Variants in RNF213 observed in about 807,000 individuals in gnomAD.
The protein encoded by RNF213 is ring finger protein 213, also known as E3 ubiquitin-protein ligase RNF213.
A neutral mutation model predicts 514.4 loss-of-function variants in RNF213; 341 were observed. That is an observed-to-expected ratio of 0.66 (90% CI 0.61 to 0.73). The LOEUF is 0.73. RNF213 is among the 30% of genes least tolerant of loss of function. RNF213 has a pLI of 0.00. For synonymous variants in RNF213, 2,655 were observed against 2,658.2 expected (o/e 1.00, Z 0.04); for missense variants, 5,767 against 6,615.6 (o/e 0.87, Z 4.45).
chr17:80,297,447 C>T (rs2044997466), intron 10 of RNF213, among the ~76,000 whole-genome samples: 1 of 136,384 alleles, frequency 7.3e-6, no homozygotes, highest in Non-Finnish European at 1.6e-5. Context: ...GAGACTTCAT[C>T]TCAAAAAAAA....
At chr17:80,334,922 G>T (rs904764931) in intron 22 of RNF213, among the ~76,000 whole-genome samples, 1 of 144,916 alleles carries the variant, frequency 6.9e-6, no homozygotes, top group Non-Finnish European at 1.5e-5. Context: ...CACTGCACCT[G>T]GCCTTTTTTT....
At chr17:80,348,339 A>G (rs2078386581) in intron 29 of RNF213, 53 bp downstream of exon 29, 2 of 1,598,646 alleles carry the variant, frequency 1.3e-6, no homozygotes, top group Non-Finnish European at 1.7e-6. Flanking sequence ...AGAGTCCTAA[A>G]TCCCTCGTGT....
intron 26 of RNF213, chr17:80,340,721 A>T (rs1599060151): frequency 4.8e-6 from 1 of 207,542 alleles, no homozygotes; most frequent in East Asian, 1.4e-4. Flanking sequence ...TCTGGGTTCA[A>T]GCAATTATCC....
At chr17:80,374,846 A>G (rs1264569970) in intron 50 of RNF213, 3 of 491,960 alleles carry the variant, frequency 6.1e-6, no homozygotes, top group East Asian at 3.9e-5. Flanking sequence ...TGCCAAGTCC[A>G]TCAGCAGCGC....
At chr17:80,337,362 A>T (rs901550596) in intron 23 of RNF213, among the ~76,000 whole-genome samples, 1 of 152,260 alleles carries the variant, frequency 6.6e-6, no homozygotes, top group Non-Finnish European at 1.5e-5. Context: ...CACTGGAGGA[A>T]ACGTGGAACA....
At chr17:80,352,602 G>T (rs531556598) in intron 32 of RNF213, 2 of 571,000 alleles carry the variant, frequency 3.5e-6, no homozygotes, top group African/African-American at 3.7e-5. Flanking sequence ...GACCTTGCCA[G>T]TGTCCCCCAC....
chr17:80,270,051 G>C (rs980594430), intron 2 of RNF213, among the ~76,000 whole-genome samples: 3 of 152,212 alleles, frequency 2.0e-5, no homozygotes, highest in African/African-American at 7.2e-5. Context: ...ACATTCCCCA[G>C]AGCAACACTG....
chr17:80,261,494 G>A (rs375117619), intron 1 of RNF213, among the ~76,000 whole-genome samples: 1 of 152,334 alleles, frequency 6.6e-6, no homozygotes, highest in East Asian at 1.9e-4. Flanking sequence ...GGGCCCTGGG[G>A]GAGTCCAGGG....
Position 80,346,808 on chromosome 17 carries a change from T to C in RNF213, c.8473T>C (p.Cys2825Arg), listed in dbSNP as rs755160108. 1.3e-5 allele frequency: 21 copies of C among 1,613,934 alleles called. No individual in the cohort carries two copies. The Admixed American group carries it at 1.7e-4, about 13-fold the overall frequency. Residue 2825 changes from cysteine to arginine, a missense_variant, in exon 29 of 68, where the codon TGC becomes CGC. Transcript: ENST00000582970. The surrounding 1 kb of genome is among the most constrained non-coding windows in gnomAD (Gnocchi z 8.1). ...PQGIISTFRQ[C>R]ARFQQGKDLQ... is the part of the protein sequence containing the mutation. Reference sequence around the variant, plus strand: ...GGGCATCATCAGCACCTTCCGGCAGTGCGCCCGCTTTCAGCAGGGGAAGGA... The same window carrying C: ...GGGCATCATCAGCACCTTCCGGCAGCGCGCCCGCTTTCAGCAGGGGAAGGA...
At chr17:80,392,379 G>A (rs540028367) in intron 67 of RNF213, among the ~76,000 whole-genome samples, 7 of 152,188 alleles carry the variant, frequency 4.6e-5, no homozygotes, top group Admixed American at 1.3e-4. Flanking sequence ...AAGGTTTTTT[G>A]AATGGTGAGG....
intron 67 of RNF213, among the ~76,000 whole-genome samples, chr17:80,392,935 C>T (rs1035442768): frequency 2.0e-5 from 3 of 151,646 alleles, no homozygotes; most frequent in Non-Finnish European, 2.9e-5. Flanking sequence ...CTGATGACAA[C>T]GGGAAAAAGT....
chr17:80,277,815 A>G (rs974825982), intron 3 of RNF213, among the ~76,000 whole-genome samples: 1 of 152,140 alleles, frequency 6.6e-6, no homozygotes, highest in Admixed American at 6.6e-5. Flanking sequence ...CATTCTAACC[A>G]TGGTGAGGAG....
chr17:80,369,379 C>T, intron 44 of RNF213, 123 bp from the exon 45 acceptor site: 1 of 951,054 alleles, frequency 1.1e-6, no homozygotes, highest in Non-Finnish European at 1.7e-6. Flanking sequence ...GCCTGGGCAA[C>T]AAGAGTGAAA....
At position 80,290,459 on chromosome 17, in the gene RNF213, A is replaced by ATGTGTGTGTGCACGTGTGTGTGCGCACG. The variant is rs1568019442; in HGVS notation, c.1113-99_1113-72dup. 44 of 1,289,294 alleles carry ATGTGTGTGTGCACGTGTGTGTGCGCACG rather than the reference A, an allele frequency of 3.4e-5. No individual in the cohort carries two copies. In the East Asian group the frequency reaches 3.5e-4, roughly 10 times the overall value. 79.9% of individuals were successfully genotyped at this position (1,289,294 alleles called of 1,614,324 possible). On this transcript the variant is annotated intron_variant, in intron 6 of 67. Coordinates refer to ENST00000582970, the MANE Select transcript of RNF213 (RefSeq NM_001256071.3). ...TGTGTGCATGTGTGTGTGCGAGTGC[A>ATGTGTGTGTGCACGTGTGTGTGCGCACG]TGTGTGTGTGCACGTGTGTGTGCGC...
chr17:80,263,911 G>A lies in RNF213; in HGVS notation c.97+133G>A. 1 of 691,102 alleles carries A rather than the reference G, an allele frequency of 1.4e-6. No homozygotes were observed. The highest frequency in any genetic ancestry group is 1.6e-5 in the South Asian group (1 of 62,162). 42.8% of individuals were successfully genotyped at this position (691,102 alleles called of 1,614,324 possible). A position where few individuals can be genotyped will look rare whatever the true frequency, so the allele number is the denominator to read the frequency against. ...GCCGAGGTCCTCTGTGGCTACTGAG[G>A]CTCTGTGGCTCTGAATAGCCATCTC... is the stretch of plus-strand genomic sequence containing the variant. On this transcript the variant is annotated intron_variant, in intron 2 of 67. Transcript: ENST00000582970. The surrounding 1 kb of genome is among the most constrained non-coding windows in gnomAD (Gnocchi z 4.9).
chr17:80,302,358 G>A (rs1164255793), intron 11 of RNF213, among the ~76,000 whole-genome samples: 3 of 152,086 alleles, frequency 2.0e-5, no homozygotes, highest in South Asian at 4.1e-4. Flanking sequence ...TACACTGTAT[G>A]CATATATATT....
chr17:80,388,199 C>T (rs973232898), intron 63 of RNF213, among the ~76,000 whole-genome samples: 2 of 152,150 alleles, frequency 1.3e-5, no homozygotes, highest in Non-Finnish European at 2.9e-5. Context: ...CTCTTGACTT[C>T]GTGATCTGCC....
In RNF213 at chr17:80,361,391, A is replaced by C. The variant is rs188811079; in HGVS notation, c.11201-343A>C. 8.8e-3 allele frequency among the ~76,000 whole-genome samples: 1,341 copies of C among 152,232 alleles called. 15 individuals carry two copies. Among genetic ancestry groups the C allele is most frequent in the Admixed American group, 0.023 (356 of 15,294 alleles). On this transcript the variant is annotated intron_variant, in intron 38 of 67. Coordinates refer to ENST00000582970, the MANE Select transcript of RNF213 (RefSeq NM_001256071.3). ...AAAAATTAGCTGGGTGTGGTGGTGC[A>C]TGCCTGTAGTCCCAGCTACTTGGTA...
chr17:80,280,124 T>A (rs1010287608), intron 3 of RNF213, among the ~76,000 whole-genome samples: 6 of 152,200 alleles, frequency 3.9e-5, no homozygotes, highest in Non-Finnish European at 8.8e-5. Context: ...GTGAGCCCAC[T>A]CCTGCAGCTC....
Sources: allele counts gnomAD v4.1 joint callset (sites outside exome capture counted in the v4.1 genomes callset), GRCh38; gene constraint gnomAD v4.1.1; non-coding constraint Gnocchi (gnomAD v3.1); transcripts MANE v1.5; gene names NCBI Gene and HGNC (gene_info 2026-07-23, HGNC 2026-07-21).